The following IL6ST variants were observed in gnomAD, a reference collection of about 807,000 sequenced individuals.
IL6ST encodes the protein interleukin-6 receptor subunit beta.
IL6ST carries 24 observed loss-of-function variants against 91.3 expected under a neutral mutation model. That is an observed-to-expected ratio of 0.26 (90% CI 0.19 to 0.37). The LOEUF is 0.37. Ranked by LOEUF, IL6ST falls within the 10% of genes least tolerant of loss-of-function variation. The pLI, the probability that IL6ST is intolerant of heterozygous loss-of-function variation, is 1.00. For missense variants in IL6ST, 914 were observed against 1,078.5 expected (o/e 0.85, Z 2.14); for synonymous variants, 351 against 373.6 (o/e 0.94, Z 0.70).
In IL6ST at chr5:55,939,379, G is replaced by A. The variant is rs1750740112; in HGVS notation, c.*1703C>T. 5.0e-6 allele frequency: 1 copy of A among 200,202 alleles called. No individual in the cohort carries two copies. Among genetic ancestry groups the A allele is most frequent in the Non-Finnish European group, 1.0e-5 (1 of 97,184 alleles). The allele number at this position is 200,202 out of a possible 1,614,324, so 12.4% of individuals were successfully genotyped here. ...TTTCATAAAGAAGATCATATAATATGTGAAAGAACTTTGAAAGGATGAGGC... is the reference window on the plus strand; with the variant it reads ...TTTCATAAAGAAGATCATATAATATATGAAAGAACTTTGAAAGGATGAGGC... On this transcript the variant is annotated 3_prime_UTR_variant, in exon 17 of 17. Transcript: ENST00000381298.
In IL6ST at chr5:55,940,379, T is replaced by A. The variant is rs553147376; in HGVS notation, c.*703A>T. ...ATCTTCAAAGAGGTTGTCAATAATA[T>A]GCAAATTTTTGAAAACTAGTGAGAT... On this transcript the variant is annotated 3_prime_UTR_variant, in exon 17 of 17. Transcript: ENST00000381298. 1 of 208,830 alleles carries A rather than the reference T, an allele frequency of 4.8e-6. No individual in the cohort carries two copies. Among genetic ancestry groups the A allele is most frequent in the East Asian group, 7.3e-5 (1 of 13,792 alleles). 12.9% of individuals were successfully genotyped at this position (208,830 alleles called of 1,614,324 possible). A position where few individuals can be genotyped will look rare whatever the true frequency, so the allele number is the denominator to read the frequency against.
At chr5:55,978,354 C>T (rs923402278) in intron 2 of IL6ST, 1 of 152,204 alleles carries the variant, frequency 6.6e-6, no homozygotes, top group Non-Finnish European at 1.5e-5. Context: ...TAGAGGGAGA[C>T]ATTATCTGTA....
At chr5:55,992,435 C>T (rs984350640) in intron 1 of IL6ST, among the ~76,000 whole-genome samples, 1 of 152,148 alleles carries the variant, frequency 6.6e-6, no homozygotes, top group Non-Finnish European at 1.5e-5. Context: ...ATTAATTAAC[C>T]TTCTTGTGCC....
intron 1 of IL6ST, among the ~76,000 whole-genome samples, 189 bp from the exon 2 acceptor site, chr5:55,983,000 CTTTT>C (rs111793262): frequency 2.2e-5 from 3 of 136,798 alleles, no homozygotes; most frequent in Admixed American, 7.4e-5. Context: ...TATTCTAGTG[CTTTT>C]TTTTTTTTTT....
chr5:55,944,930 C>T, intron 15 of IL6ST, among the ~76,000 whole-genome samples: 1 of 151,726 alleles, frequency 6.6e-6, no homozygotes, highest in Non-Finnish European at 1.5e-5. Flanking sequence ...CATGTTGGTC[C>T]TCTGCCCTGG....
chr5:55,947,909 T>C (rs1339551429), intron 14 of IL6ST, among the ~76,000 whole-genome samples: 1 of 152,178 alleles, frequency 6.6e-6, no homozygotes, highest in Admixed American at 6.5e-5. Flanking sequence ...ATTTGTAACA[T>C]TTATGATCTG....
At chr5:55,967,277 T>C (rs1580831064) in intron 5 of IL6ST, among the ~76,000 whole-genome samples, 1 of 110,632 alleles carries the variant, frequency 9.0e-6, no homozygotes, top group Admixed American at 1.4e-4. Context: ...GCCACTGTAC[T>C]CCAGCCTAGG....
In IL6ST at chr5:55,941,104, T is replaced by C. The variant is rs762418847; in HGVS notation, c.2735A>G (p.Gln912Arg). Residue 912 changes from glutamine to arginine, a missense_variant, in exon 17 of 17, where the codon CAA becomes CGA. Gln to Arg is a conservative substitution (Grantham distance 43). Coordinates refer to ENST00000381298, the MANE Select transcript of IL6ST (RefSeq NM_002184.4). ...PKSYLPQTVR[Q>R]GGYMPQ Reference sequence around the variant, plus strand: ...CCTTCACTGAGGCATGTAGCCGCCTTGCCGTACAGTCTGTGGTAAGTAACT... The same window carrying C: ...CCTTCACTGAGGCATGTAGCCGCCTCGCCGTACAGTCTGTGGTAAGTAACT... 1 of 1,613,238 alleles carries C rather than the reference T, an allele frequency of 6.2e-7. No individual in the cohort carries two copies. The highest frequency in any genetic ancestry group is 2.2e-5 in the East Asian group (1 of 44,876).
intron 8 of IL6ST, among the ~76,000 whole-genome samples, chr5:55,958,196 C>T (rs1447177255): frequency 1.3e-5 from 2 of 152,078 alleles, no homozygotes; most frequent in Non-Finnish European, 2.9e-5. Context: ...ACCTTCAGCT[C>T]CTAGGCTCAG....
At chr5:55,974,536 G>A (rs1292733000) in intron 3 of IL6ST, among the ~76,000 whole-genome samples, 2 of 152,068 alleles carry the variant, frequency 1.3e-5, no homozygotes, top group Admixed American at 6.5e-5. Context: ...CCAGACTGGA[G>A]TGCAGTGGTG....
intron 11 of IL6ST, 121 bp downstream of exon 11, chr5:55,954,689 G>T (rs1237917394): frequency 1.5e-6 from 1 of 649,634 alleles, no homozygotes; most frequent in Non-Finnish European, 2.6e-6. Flanking sequence ...CATCTAGTAA[G>T]TAGTGAGGCT....
rs772253821 is a variant in IL6ST, at chr5:55,954,854, T to C, written c.1406A>G (p.Asp469Gly). The C allele has an allele frequency of 3.1e-6, 5 of 1,613,222 alleles. No individual in the cohort carries two copies. In the South Asian group the frequency reaches 5.5e-5, roughly 18 times the overall value. Reference sequence around the variant, plus strand: ...CACGGTACCATCTTCTTGTTGCCAGTCTGTGATACAGGGTGCTTTATCTGA... The same window carrying C: ...CACGGTACCATCTTCTTGTTGCCAGCCTGTGATACAGGGTGCTTTATCTGA... Reference protein sequence around the residue: ...VLSDKAPCITDWQQEDGTVHR... With the variant: ...VLSDKAPCITGWQQEDGTVHR... The change falls in exon 11 of 17, where the codon GAC (aspartate) becomes GGC (glycine). Residue 469 changes from aspartate (D) to glycine (G), a missense_variant. Physicochemically the swap from Asp to Gly is moderately conservative, Grantham distance 94. Transcript: ENST00000381298.
chr5:55,967,309 C>CAAA lies in IL6ST; in HGVS notation c.491+964_491+966dup, dbSNP rs60547666. 2.5e-3 allele frequency among the ~76,000 whole-genome samples: 80 copies of CAAA among 31,900 alleles called. 4 individuals carry two copies. Among genetic ancestry groups the CAAA allele is most frequent in the Non-Finnish European group, 2.7e-3 (58 of 21,298 alleles). The allele number at this position is 31,900 out of a possible 152,430, so 20.9% of individuals were successfully genotyped here. On this transcript the variant is annotated intron_variant, in intron 5 of 16. Transcript: ENST00000381298. Reference sequence around the variant, plus strand: ...TAGGTGACAGAGCAAGACTCCATCTCAAAAAAAAAAAAAAAAAAAAAAAAA... The same window carrying CAAA: ...TAGGTGACAGAGCAAGACTCCATCTCAAAAAAAAAAAAAAAAAAAAAAAAAAAA...
chr5:55,987,266 A>T (rs1754027422), intron 1 of IL6ST, among the ~76,000 whole-genome samples: 1 of 152,190 alleles, frequency 6.6e-6, no homozygotes, highest in Non-Finnish European at 1.5e-5. Flanking sequence ...ACTGCCTTTA[A>T]CATTTTTTTG....
In IL6ST at chr5:55,952,247, T is replaced by G. The variant is rs1580801563; in HGVS notation, c.1552+3A>C. The G allele has an allele frequency of 6.2e-7, 1 of 1,600,886 alleles. No individual in the cohort carries two copies. The highest frequency in any genetic ancestry group is 8.5e-7 in the Non-Finnish European group (1 of 1,170,044). ...TTTTTCAAAGAAGTGAGTTTGGACTTACGAGCTTGTTTAAGGTATGCCTTT... is the reference window on the plus strand; with the variant it reads ...TTTTTCAAAGAAGTGAGTTTGGACTGACGAGCTTGTTTAAGGTATGCCTTT... On this transcript the variant is annotated splice_donor_region_variant and intron_variant, in intron 12 of 16. Coordinates refer to ENST00000381298, the MANE Select transcript of IL6ST (RefSeq NM_002184.4).
intron 5 of IL6ST, 146 bp from the exon 6 acceptor site, chr5:55,964,458 T>TA (rs926107249): frequency 1.9e-6 from 1 of 537,634 alleles, no homozygotes; most frequent in Non-Finnish European, 3.2e-6. Context: ...CAAAATTTCT[T>TA]AAAAATAAAC....
chr5:55,977,686 C>T (rs1471727648), intron 2 of IL6ST, among the ~76,000 whole-genome samples: 2 of 152,054 alleles, frequency 1.3e-5, no homozygotes, highest in African/African-American at 2.4e-5. Context: ...AGTAGCTTGG[C>T]GTGGTGGCGG....
At chr5:55,947,466 T>G in intron 15 of IL6ST, 27 bp downstream of exon 15, 1 of 1,270,454 alleles carries the variant, frequency 7.9e-7, no homozygotes. Context: ...TGGGGGAAAA[T>G]GCAAAAATAT....
chr5:55,964,365 A>G, intron 5 of IL6ST, 53 bp from the exon 6 acceptor site: 3 of 1,355,424 alleles, frequency 2.2e-6, no homozygotes, highest in Non-Finnish European at 3.1e-6. Flanking sequence ...TGAAAAAATT[A>G]GAGTGAAAAA....
Sources: allele counts gnomAD v4.1 joint callset (sites outside exome capture counted in the v4.1 genomes callset), GRCh38; gene constraint gnomAD v4.1.1; transcripts MANE v1.5; gene names NCBI Gene and HGNC (gene_info 2026-07-23, HGNC 2026-07-21).